The following SH3RF3 variants were observed in gnomAD, a reference collection of about 807,000 sequenced individuals.
The protein encoded by SH3RF3 is SH3 domain containing ring finger 3.
In SH3RF3, 29 loss-of-function variants were observed where a neutral mutation model predicts 66.3. The ratio of observed to expected loss-of-function variants is 0.44; its 90% CI spans 0.33 to 0.60. The LOEUF is 0.60. SH3RF3 is among the 20% of genes least tolerant of loss of function. The probability of loss-of-function intolerance (pLI) is 0.04; values close to 1 mark genes in which losing one functional copy is unlikely to be tolerated. For missense variants in SH3RF3, 1,194 were observed against 1,190.9 expected, an observed-to-expected ratio of 1.00 and a Z score of -0.04; for synonymous variants, 583 against 532.0, an observed-to-expected ratio of 1.10 and a Z score of -1.32.
intron 8 of SH3RF3, among the ~76,000 whole-genome samples, chr2:109,478,964 T>C (rs1188654861): frequency 6.6e-6 from 1 of 152,156 alleles, no homozygotes; most frequent in African/African-American, 2.4e-5. Flanking sequence ...GTTTAGGCCT[T>C]AGCTGAGAGA....
At chr2:109,154,493 G>A (rs1048595935) in intron 1 of SH3RF3, among the ~76,000 whole-genome samples, 1 of 152,208 alleles carries the variant, frequency 6.6e-6, no homozygotes, top group Non-Finnish European at 1.5e-5. Context: ...GCCAGGCCTC[G>A]AGGCTTCCTC....
intron 8 of SH3RF3, among the ~76,000 whole-genome samples, chr2:109,481,892 C>T (rs1040411249): frequency 6.6e-6 from 1 of 152,122 alleles, no homozygotes; most frequent in Non-Finnish European, 1.5e-5. Flanking sequence ...GTTTTATCAC[C>T]ACGGAATCAC....
At chr2:109,477,587 G>A (rs1437163121) in intron 8 of SH3RF3, among the ~76,000 whole-genome samples, 1 of 151,540 alleles carries the variant, frequency 6.6e-6, no homozygotes, top group East Asian at 2.0e-4. Flanking sequence ...AGTCCCTTGA[G>A]TTGCTGTAAC....
intron 1 of SH3RF3, among the ~76,000 whole-genome samples, chr2:109,265,512 G>A (rs1680467530): frequency 6.6e-6 from 1 of 152,178 alleles, no homozygotes; most frequent in Non-Finnish European, 1.5e-5. Context: ...CCACCCTTAG[G>A]CTGCTATAGG....
At chr2:109,429,578 C>T (rs1677133000) in intron 5 of SH3RF3, among the ~76,000 whole-genome samples, 1 of 152,026 alleles carries the variant, frequency 6.6e-6, no homozygotes, top group Non-Finnish European at 1.5e-5. Context: ...CCATTCAGGA[C>T]CCCAGCCTCC....
At chr2:109,409,860 A>G (rs4676086) in intron 4 of SH3RF3, among the ~76,000 whole-genome samples, 78,567 of 151,806 alleles carry the variant, frequency 0.52, 20,620 homozygotes, top group Middle Eastern at 0.57. Context: ...ATGGAGTGGT[A>G]GCGAGTGATG....
chr2:109,260,924 G>C lies in SH3RF3; in HGVS notation c.574-86750G>C, dbSNP rs146218987. On this transcript the variant is annotated intron_variant, in intron 1 of 9. Coordinates refer to ENST00000309415, the MANE Select transcript of SH3RF3 (RefSeq NM_001099289.3). ...ATCCTGCCTCTGCTGTGAGAGGAAG[G>C]CCACTCTGTTTACAAGCAGTGAGGC... is the stretch of plus-strand genomic sequence containing the variant. 1.1e-3 allele frequency among the ~76,000 whole-genome samples: 172 copies of C among 152,290 alleles called. 1 individual carries two copies. Among genetic ancestry groups the C allele is most frequent in the African/African-American group, 3.9e-3 (163 of 41,564 alleles).
At chr2:109,432,364 ACTGC>A in intron 5 of SH3RF3, 133 bp from the exon 6 acceptor site, 1 of 1,113,998 alleles carries the variant, frequency 9.0e-7, no homozygotes, top group South Asian at 1.6e-5. Flanking sequence ...GCCTCTGTAA[ACTGC>A]AGAGCCCCCA....
rs550765444 is a variant in SH3RF3 at position 109,233,442 on chromosome 2, C to G, written c.573+103329C>G. ...TGTTCAGACACTTCGTGTCTTCCCTCCTCTGCTGCACTGCTCTACTTCTCT... is the reference window on the plus strand; with the variant it reads ...TGTTCAGACACTTCGTGTCTTCCCTGCTCTGCTGCACTGCTCTACTTCTCT... On this transcript the variant is annotated intron_variant, in intron 1 of 9. Transcript: ENST00000309415. 9.6e-4 allele frequency among the ~76,000 whole-genome samples: 147 copies of G among 152,342 alleles called. 1 individual carries two copies. The highest frequency in any genetic ancestry group is 3.3e-3 in the African/African-American group (138 of 41,582).
At chr2:109,217,476 C>G (rs1297849104) in intron 1 of SH3RF3, among the ~76,000 whole-genome samples, 1 of 152,198 alleles carries the variant, frequency 6.6e-6, no homozygotes, top group Non-Finnish European at 1.5e-5. Flanking sequence ...GGTAAATAGA[C>G]TCACTCCACA....
chr2:109,195,878 C>A (rs974801112), intron 1 of SH3RF3, among the ~76,000 whole-genome samples: 1 of 152,148 alleles, frequency 6.6e-6, no homozygotes, highest in African/African-American at 2.4e-5. Flanking sequence ...GAAGGTCTCT[C>A]GAATTTCCCT....
Position 109,129,672 on chromosome 2 carries a change from G to A in SH3RF3, c.132G>A (p.Glu44=). 2 of 1,518,370 alleles carry A rather than the reference G, an allele frequency of 1.3e-6. No homozygotes were observed. The highest frequency in any genetic ancestry group is 1.8e-6 in the Non-Finnish European group (2 of 1,138,952). The allele number at this position is 1,518,370 out of a possible 1,614,324, so 94.1% of individuals were successfully genotyped here. A position where few individuals can be genotyped will look rare whatever the true frequency, so the allele number is the denominator to read the frequency against. Residue 44 remains glutamate, a synonymous_variant, in exon 1 of 10, where the codon GAG becomes GAA. Coordinates refer to ENST00000309415, the MANE Select transcript of SH3RF3 (RefSeq NM_001099289.3). ...CGGCCACCGCCGCGGGGGCGGGCGA[G>A]GACATGGACGAGTCGTCGCTGCTGG... is the stretch of plus-strand genomic sequence containing the variant. ...RAAATAAGAG[E]DMDESSLLDL...
intron 1 of SH3RF3, among the ~76,000 whole-genome samples, chr2:109,329,468 A>G (rs1236899854): frequency 6.6e-6 from 1 of 152,342 alleles, no homozygotes; most frequent in East Asian, 1.9e-4. Flanking sequence ...TCCAGAGGCC[A>G]TGGCTGGAGC....
intron 7 of SH3RF3, among the ~76,000 whole-genome samples, chr2:109,437,731 AC>A (rs1225573430): frequency 1.3e-5 from 2 of 151,220 alleles, no homozygotes; most frequent in African/African-American, 4.9e-5. Context: ...CTTAAGGAAA[AC>A]CGGTTTGGCC....
intron 1 of SH3RF3, among the ~76,000 whole-genome samples, chr2:109,266,482 A>G (rs1418362975): frequency 1.3e-5 from 2 of 152,108 alleles, no homozygotes; most frequent in Non-Finnish European, 2.9e-5. Context: ...CCAGAACGGT[A>G]TCCTTAATCT....
chr2:109,350,385 C>G (rs955863320), intron 2 of SH3RF3, among the ~76,000 whole-genome samples: 7 of 152,118 alleles, frequency 4.6e-5, no homozygotes, highest in African/African-American at 1.7e-4. Context: ...ATTCTTTGTT[C>G]AAGGACTTTC....
chr2:109,385,571 A>G (rs1675802550), intron 3 of SH3RF3, among the ~76,000 whole-genome samples: 1 of 152,248 alleles, frequency 6.6e-6, no homozygotes, highest in Non-Finnish European at 1.5e-5. Flanking sequence ...GTCCAGGGCA[A>G]AGGAGCCTGT....
chr2:109,227,094 G>A (rs1574515371), intron 1 of SH3RF3, among the ~76,000 whole-genome samples: 1 of 152,282 alleles, frequency 6.6e-6, no homozygotes, highest in East Asian at 1.9e-4. Context: ...TGTTTCTGGG[G>A]TCTTTGCTGG....
intron 1 of SH3RF3, among the ~76,000 whole-genome samples, chr2:109,236,630 G>A (rs1679655983): frequency 6.6e-6 from 1 of 152,166 alleles, no homozygotes; most frequent in Non-Finnish European, 1.5e-5. Flanking sequence ...ACATTACCAC[G>A]AGAAGATGCT....
Sources: allele counts gnomAD v4.1 joint callset (sites outside exome capture counted in the v4.1 genomes callset), GRCh38; gene constraint gnomAD v4.1.1; transcripts MANE v1.5; gene names NCBI Gene and HGNC (gene_info 2026-07-23, HGNC 2026-07-21).